TMPRSS4: variants seen among roughly 807,000 people sequenced by gnomAD.
TMPRSS4 encodes transmembrane serine protease 4, also known as transmembrane protease serine 4.
A neutral mutation model predicts 56.4 loss-of-function variants in TMPRSS4; 45 were observed. The ratio of observed to expected loss-of-function variants is 0.80; its 90% confidence interval spans 0.63 to 1.02. TMPRSS4 has a LOEUF of 1.02. TMPRSS4 is among the 50% of genes least tolerant of loss of function. The pLI, the probability that TMPRSS4 is intolerant of heterozygous loss-of-function variation, is 0.00. For missense variants in TMPRSS4, 546 were observed against 556.7 expected, an observed-to-expected ratio of 0.98 and a Z score of 0.19; for synonymous variants, 205 against 211.0, an observed-to-expected ratio of 0.97 and a Z score of 0.25.
At chr11:118,101,401 G>T (rs1191725360) in intron 3 of TMPRSS4, among the ~76,000 whole-genome samples, 3 of 152,134 alleles carry the variant, frequency 2.0e-5, no homozygotes, top group Admixed American at 6.5e-5. Flanking sequence ...ACAGAATTCA[G>T]TTAGGAAGGA....
At chr11:118,077,858 A>C (rs901277863) in intron 1 of TMPRSS4, among the ~76,000 whole-genome samples, 4 of 151,868 alleles carry the variant, frequency 2.6e-5, no homozygotes, top group East Asian at 1.9e-4. Flanking sequence ...CTAAAAATAC[A>C]AAAAATTAGC....
At chr11:118,086,916 GAGCACTGTGGCCGGGCCCCACTCTGCA>G (rs1203387394) in intron 1 of TMPRSS4, 1 of 152,492 alleles carries the variant, frequency 6.6e-6, no homozygotes, top group Non-Finnish European at 1.5e-5. Context: ...TCCCTCAGAG[GAGCACTGTGGCCGGGCCCCACTCTGCA>G]AGCTGACGGC....
intron 11 of TMPRSS4, among the ~76,000 whole-genome samples, chr11:118,115,954 G>A (rs1205199370): frequency 1.3e-5 from 2 of 152,152 alleles, no homozygotes; most frequent in African/African-American, 4.8e-5. Context: ...CCAAGCTGCT[G>A]AACTACACTA....
intron 4 of TMPRSS4, 65 bp from the exon 5 acceptor site, chr11:118,104,626 A>G (rs1946894235): frequency 1.9e-6 from 3 of 1,609,676 alleles, no homozygotes; most frequent in South Asian, 2.2e-5. Context: ...TCTCATGATG[A>G]GTTCTGAGGG....
At position 118,103,271 on chromosome 11, in the gene TMPRSS4, G is replaced by A; in HGVS notation, c.310+18G>A. ...AGTGGCAGGTGAGTGCAGGGTCTGA[G>A]GCACAAGAGAAGTGGGCCCAGCAGG... On this transcript the variant is annotated intron_variant, in intron 4 of 12. Transcript: ENST00000437212. The A allele has an allele frequency of 6.2e-7, 1 of 1,607,432 alleles. No homozygotes were observed. The highest frequency in any genetic ancestry group is 8.5e-7 in the Non-Finnish European group (1 of 1,176,094).
intron 1 of TMPRSS4, among the ~76,000 whole-genome samples, chr11:118,082,134 G>A (rs375289706): frequency 2.2e-4 from 33 of 152,278 alleles, no homozygotes; most frequent in East Asian, 2.1e-3. Context: ...TAGCTACAGC[G>A]GCAGTATCAC....
chr11:118,083,780 G>T (rs1007322622), intron 1 of TMPRSS4, among the ~76,000 whole-genome samples: 1 of 152,082 alleles, frequency 6.6e-6, no homozygotes, highest in African/African-American at 2.4e-5. Flanking sequence ...TCTTGGCTGG[G>T]TGCAGTGGCT....
intron 2 of TMPRSS4, among the ~76,000 whole-genome samples, chr11:118,097,993 C>A (rs936091488): frequency 1.3e-5 from 2 of 152,220 alleles, no homozygotes; most frequent in African/African-American, 2.4e-5. Flanking sequence ...TGGTCTTGAA[C>A]TCCTGACCTC....
At chr11:118,102,861 G>T in intron 3 of TMPRSS4, 1 of 517,768 alleles carries the variant, frequency 1.9e-6, no homozygotes, top group Non-Finnish European at 3.5e-6. Context: ...TCCCACACAC[G>T]TGACCTCTCT....
At chr11:118,083,827 C>G (rs998511915) in intron 1 of TMPRSS4, among the ~76,000 whole-genome samples, 12 of 152,042 alleles carry the variant, frequency 7.9e-5, no homozygotes, top group African/African-American at 2.9e-4. Flanking sequence ...CCGAAAAGGG[C>G]AGATCACATG....
chr11:118,095,902 C>T (rs900353439), intron 2 of TMPRSS4, among the ~76,000 whole-genome samples: 1 of 152,264 alleles, frequency 6.6e-6, no homozygotes, highest in East Asian at 1.9e-4. Context: ...GAACAACAGC[C>T]GGCAAGGAGG....
At position 118,120,433 on chromosome 11, in the gene TMPRSS4, C is replaced by T. The variant is rs1565445952; in HGVS notation, c.*2520C>T. The T allele has an allele frequency of 6.6e-6, 1 of 152,194 alleles. No homozygotes were observed. The allele number at this position is 152,194 out of a possible 1,614,324, so 9.4% of individuals were successfully genotyped here. On this transcript the variant is annotated 3_prime_UTR_variant, in exon 13 of 13. Coordinates refer to ENST00000437212, the MANE Select transcript of TMPRSS4 (RefSeq NM_019894.4). ...CTGCACCATTTTACATTCCCATCAA[C>T]AGTTTGCAGGAGTTACTATTTCTCC...
chr11:118,088,272 G>A (rs191245124), intron 1 of TMPRSS4: 56 of 152,334 alleles, frequency 3.7e-4, no homozygotes, highest in African/African-American at 1.3e-3. Flanking sequence ...ATTTCTCAGG[G>A]TTGTTCCATG....
At chr11:118,108,992 G>C in intron 7 of TMPRSS4, 96 bp downstream of exon 7, 2 of 1,399,386 alleles carry the variant, frequency 1.4e-6, no homozygotes. Flanking sequence ...GGGACTCCAA[G>C]TTTCATTCTG....
chr11:118,113,398 C>T lies in TMPRSS4; in HGVS notation c.873C>T (p.Ile291=), dbSNP rs750893676. 11 of 1,614,166 alleles carry T rather than the reference C, an allele frequency of 6.8e-6. No homozygotes were observed. In the South Asian group the frequency reaches 8.8e-5, roughly 13 times the overall value. ...CCATGTACCCCAAAGACAATGACAT[C>T]GCCCTCATGAAGCTGCAGTTCCCAC... The part of the protein sequence containing the change: ...FNPMYPKDND[I]ALMKLQFPLT... Residue 291 remains isoleucine, a synonymous_variant, in exon 9 of 13, where the codon ATC becomes ATT. Transcript: ENST00000437212.
chr11:118,093,825 C>T (rs541344262), intron 1 of TMPRSS4, among the ~76,000 whole-genome samples: 1 of 151,284 alleles, frequency 6.6e-6, no homozygotes, highest in African/African-American at 2.4e-5. Flanking sequence ...ACTGCCCCCC[C>T]CAATGGTAAC....
At chr11:118,116,455 GA>G (rs1469053905) in intron 11 of TMPRSS4, among the ~76,000 whole-genome samples, 2 of 152,210 alleles carry the variant, frequency 1.3e-5, no homozygotes, top group African/African-American at 4.8e-5. Context: ...GGTTCAGAGG[GA>G]GGAAGCCCCA....
intron 1 of TMPRSS4, among the ~76,000 whole-genome samples, chr11:118,079,634 G>C (rs1284430402): frequency 6.6e-6 from 1 of 152,138 alleles, no homozygotes; most frequent in Non-Finnish European, 1.5e-5. Context: ...AACACCTGAG[G>C]TCAACCCCCT....
chr11:118,122,838 T>A (rs938493126), downstream of TMPRSS4, among the ~76,000 whole-genome samples: 1 of 152,190 alleles, frequency 6.6e-6, no homozygotes, highest in Non-Finnish European at 1.5e-5. Flanking sequence ...GTGATGGTAG[T>A]AAGAGGTGGG....
Sources: allele counts gnomAD v4.1 joint callset (sites outside exome capture counted in the v4.1 genomes callset), GRCh38; gene constraint gnomAD v4.1.1; transcripts MANE v1.5; gene names NCBI Gene and HGNC (gene_info 2026-07-23, HGNC 2026-07-21).